The following GCNT4 variants were observed in gnomAD, a reference collection of about 807,000 sequenced individuals.
GCNT4 encodes glucosaminyl (N-acetyl) transferase 4.
GCNT4 carries 17 observed loss-of-function variants against 31.3 expected under a neutral mutation model. The ratio of observed to expected loss-of-function variants is 0.54; its 90% CI spans 0.37 to 0.81. The LOEUF is 0.81. Ranked by LOEUF, GCNT4 falls within the 40% of genes least tolerant of loss-of-function variation. The pLI, the probability that GCNT4 is intolerant of heterozygous loss-of-function variation, is 0.00. For synonymous variants in GCNT4, 158 were observed against 190.6 expected, an observed-to-expected ratio of 0.83 and a Z score of 1.41; for missense variants, 503 against 525.5, an observed-to-expected ratio of 0.96 and a Z score of 0.42.
intron 3 of GCNT4, among the ~76,000 whole-genome samples, chr5:75,044,141 T>C (rs917803629): frequency 3.3e-5 from 5 of 152,142 alleles, no homozygotes; most frequent in Admixed American, 6.5e-5. Flanking sequence ...ACCTCGCAGG[T>C]GGGCTGTCTT....
chr5:75,033,667 TTA>T (rs1186649769), intron 3 of GCNT4, among the ~76,000 whole-genome samples: 1 of 147,502 alleles, frequency 6.8e-6, no homozygotes, highest in Non-Finnish European at 1.5e-5. Flanking sequence ...ATTTATTTAT[TTA>T]TTTATTTTTT....
At chr5:75,031,889 G>C (rs1174079984) in intron 3 of GCNT4, among the ~76,000 whole-genome samples, 1 of 152,166 alleles carries the variant, frequency 6.6e-6, no homozygotes, top group Non-Finnish European at 1.5e-5. Context: ...CTGAGACCTG[G>C]TGGGGTCTGA....
In GCNT4 at chr5:75,028,966, C is replaced by T; in HGVS notation, c.1072G>A (p.Asp358Asn). 1 of 1,614,002 alleles carries T rather than the reference C, an allele frequency of 6.2e-7. No individual in the cohort carries two copies. Among genetic ancestry groups the T allele is most frequent in the Non-Finnish European group, 8.5e-7 (1 of 1,180,008 alleles). ...IPGEISRSAQ[D>N]VSDLQSKTRL... is the part of the protein sequence containing the mutation. ...GTCTTACTCTGCAGATCAGACACAT[C>T]CTGGGCTGATCTGGAAATCTCCCCA... is the stretch of plus-strand genomic sequence containing the variant. Residue 358 changes from aspartate (D) to asparagine (N), a missense_variant, in exon 4 of 4, where the codon GAT becomes AAT. By Grantham distance (23) the Asp-to-Asn change is conservative (BLOSUM62 1). Transcript: ENST00000652361.
rs754005773 is a variant in GCNT4, at chr5:75,041,259, C to T, written c.-2+6638G>A. On this transcript the variant is annotated intron_variant, in intron 3 of 3. Transcript: ENST00000652361. ...TGTGAATACACAAACACACCCTCAC[C>T]CAGGGCCTTTGCCAGTCCTCTGTCA... Among the ~76,000 whole-genome samples, 739 of 152,326 alleles carry T rather than the reference C, an allele frequency of 4.9e-3. 6 individuals are homozygous for T. The highest frequency in any genetic ancestry group is 0.019 in the Admixed American group (293 of 15,306).
intron 3 of GCNT4, 37 bp downstream of exon 3, chr5:75,047,860 T>C (rs982637682): frequency 6.6e-6 from 1 of 152,174 alleles, no homozygotes; most frequent in Non-Finnish European, 1.5e-5. Context: ...AGCTTCTGAA[T>C]TCATCTTAAT....
chr5:75,024,950 CAAAAAAAAAA>C (rs1239662355), downstream of GCNT4, among the ~76,000 whole-genome samples: 6 of 40,538 alleles, frequency 1.5e-4, no homozygotes, highest in Admixed American at 2.6e-4. Context: ...GACTCCATCT[CAAAAAAAAAA>C]AAAAAAAAAA....
At chr5:75,030,353 T>A (rs1404100587) in intron 3 of GCNT4, 1 of 250,922 alleles carries the variant, frequency 4.0e-6, no homozygotes, top group Non-Finnish European at 8.2e-6. Context: ...CTTAGCATAT[T>A]TGAGGAGGGA....
chr5:75,046,562 C>T (rs60223842), intron 3 of GCNT4, among the ~76,000 whole-genome samples: 18,650 of 152,112 alleles, frequency 0.12, 1,286 homozygotes, highest in African/African-American at 0.19. Context: ...TCTTTGGAAA[C>T]AGGTCTAACC....
rs373426921 is a variant in GCNT4 at position 75,051,804 on chromosome 5, A to C, written c.-143+365T>G. On this transcript the variant is annotated intron_variant, in intron 2 of 3. Coordinates refer to ENST00000652361, the MANE Select transcript of GCNT4 (RefSeq NM_001366737.1). ...CTTTTTCCCCCAAAGAAAAGAGTAT[A>C]AACCTTCTCATCCCACCACCACCCC... 5.3e-5 allele frequency among the ~76,000 whole-genome samples: 8 copies of C among 152,306 alleles called. No homozygotes were observed. The East Asian group carries it at 1.5e-3, about 29-fold the overall frequency.
In GCNT4 at chr5:75,028,771, ATT is replaced by A; in HGVS notation, c.1265_1266del (p.Lys422MetfsTer7). On this transcript the variant is annotated frameshift_variant, in exon 4 of 4. Coordinates refer to ENST00000652361, the MANE Select transcript of GCNT4 (RefSeq NM_001366737.1). LOFTEE classifies it high-confidence loss of function. ...FDSKVDPILI[K>X]CLAEKLEEQQ... ...TGTTCTTCAAGCTTTTCTGCCAAGCATTTAATCAAGATAGGGTCCACCTTAGA... is the reference window on the plus strand; with the variant it reads ...TGTTCTTCAAGCTTTTCTGCCAAGCATAATCAAGATAGGGTCCACCTTAGA... The A allele has an allele frequency of 6.2e-7, 1 of 1,614,044 alleles. No individual in the cohort carries two copies. Among genetic ancestry groups the A allele is most frequent in the Non-Finnish European group, 8.5e-7 (1 of 1,180,006 alleles).
chr5:75,052,567 A>G (rs978895275), upstream of GCNT4: 4 of 152,148 alleles, frequency 2.6e-5, no homozygotes, highest in African/African-American at 9.7e-5. Context: ...CTGCGGCACA[A>G]AAAACTTGAC....
At chr5:75,045,720 T>C (rs1395298701) in intron 3 of GCNT4, among the ~76,000 whole-genome samples, 1 of 152,212 alleles carries the variant, frequency 6.6e-6, no homozygotes, top group Non-Finnish European at 1.5e-5. Flanking sequence ...ATTTACTGTG[T>C]GCCTACCATG....
chr5:75,048,461 G>T lies in GCNT4; in HGVS notation c.-142-424C>A, dbSNP rs192239968. On this transcript the variant is annotated intron_variant, in intron 2 of 3. Coordinates refer to ENST00000652361, the MANE Select transcript of GCNT4 (RefSeq NM_001366737.1). ...ACGTGGTTTGACAAGAGCATCTCTAGAGGACAGTTCAGTGTTTTGGCTGAC... is the reference window on the plus strand; with the variant it reads ...ACGTGGTTTGACAAGAGCATCTCTATAGGACAGTTCAGTGTTTTGGCTGAC... 3.6e-4 allele frequency among the ~76,000 whole-genome samples: 55 copies of T among 152,310 alleles called. 1 individual carries two copies. The highest frequency in any genetic ancestry group is 1.3e-3 in the African/African-American group (54 of 41,564).
At chr5:75,051,463 C>A (rs1743566483) in intron 2 of GCNT4, among the ~76,000 whole-genome samples, 1 of 151,522 alleles carries the variant, frequency 6.6e-6, no homozygotes, top group Non-Finnish European at 1.5e-5. Context: ...AAGCTGACTC[C>A]GTTTTACCTC....
chr5:75,017,839 G>A, the GCNT4 span, among the ~76,000 whole-genome samples: 1 of 152,222 alleles, frequency 6.6e-6, no homozygotes, highest in African/African-American at 2.4e-5. Flanking sequence ...AATCCCCTGG[G>A]AGCTCCTATG....
At chr5:75,036,617 C>T (rs868616908) in intron 3 of GCNT4, among the ~76,000 whole-genome samples, 2 of 151,314 alleles carry the variant, frequency 1.3e-5, no homozygotes, top group African/African-American at 4.9e-5. Context: ...CAAACATGGT[C>T]GAGGAGATCT....
At chr5:75,053,740 G>T (rs546570388), upstream of GCNT4, among the ~76,000 whole-genome samples, 196 of 152,140 alleles carry the variant, frequency 1.3e-3, no homozygotes, top group African/African-American at 4.5e-3. Flanking sequence ...CCGCGCTCCC[G>T]CAGAGGGAGC....
At chr5:75,051,847 T>C (rs1743578079) in intron 2 of GCNT4, among the ~76,000 whole-genome samples, 1 of 152,180 alleles carries the variant, frequency 6.6e-6, no homozygotes, top group African/African-American at 2.4e-5. Flanking sequence ...GAAACTCCTT[T>C]CAGTCTCCCC....
chr5:75,033,365 G>A (rs537183377), intron 3 of GCNT4, among the ~76,000 whole-genome samples: 1 of 152,236 alleles, frequency 6.6e-6, no homozygotes, highest in Non-Finnish European at 1.5e-5. Context: ...ATCCAGGGAA[G>A]GAAGAGGTGG....
Sources: gnomAD v4.1 joint callset for allele counts (sites outside exome capture counted in the v4.1 genomes callset) on GRCh38, gnomAD v4.1.1 for gene constraint, MANE v1.5 for transcripts, NCBI Gene and HGNC (gene_info 2026-07-23, HGNC 2026-07-21) for gene names.